The following MAP2K1 variants were observed in gnomAD, a reference collection of about 807,000 sequenced individuals.
The protein encoded by MAP2K1 is mitogen-activated protein kinase kinase 1, also known as dual specificity mitogen-activated protein kinase kinase 1.
In MAP2K1, 16 loss-of-function variants were observed where a neutral mutation model predicts 46.3. The observed-to-expected ratio is 0.35, with a 90% CI of 0.23 to 0.52. MAP2K1 has a LOEUF of 0.52. Ranked by LOEUF, MAP2K1 falls within the 20% of genes least tolerant of loss-of-function variation. The pLI, the probability that MAP2K1 is intolerant of heterozygous loss-of-function variation, is 0.94. For synonymous variants in MAP2K1, 183 were observed against 185.6 expected (o/e 0.99, Z 0.11); for missense variants, 263 against 497.1 (o/e 0.53, Z 4.48).
At chr15:66,466,208 A>C (rs1892460609) in intron 5 of MAP2K1, among the ~76,000 whole-genome samples, 1 of 152,246 alleles carries the variant, frequency 6.6e-6, no homozygotes, top group Non-Finnish European at 1.5e-5. Flanking sequence ...TTGGTAAAAC[A>C]ACCAGTTTCT....
intron 1 of MAP2K1, among the ~76,000 whole-genome samples, chr15:66,411,215 G>T (rs1006430240): frequency 1.3e-5 from 2 of 152,118 alleles, no homozygotes; most frequent in Non-Finnish European, 2.9e-5. Context: ...TTAATATGGG[G>T]CCTGGCATGA....
At chr15:66,406,341 G>T (rs2093396538) in intron 1 of MAP2K1, among the ~76,000 whole-genome samples, 1 of 152,138 alleles carries the variant, frequency 6.6e-6, no homozygotes, top group South Asian at 2.1e-4. Context: ...AGTAAAGTGA[G>T]GAGTCATGTG....
intron 5 of MAP2K1, chr15:66,453,315 T>C: frequency 1.8e-6 from 1 of 556,682 alleles, no homozygotes; most frequent in Non-Finnish European, 3.2e-6. Flanking sequence ...AGAGATGCTT[T>C]GTGAGCCAGA....
At chr15:66,490,077 T>C in intron 10 of MAP2K1, 1 of 538,318 alleles carries the variant, frequency 1.9e-6, no homozygotes, top group African/African-American at 1.9e-5. Context: ...TCATCTTACA[T>C]TCAGCCTCCT....
intron 3 of MAP2K1, among the ~76,000 whole-genome samples, chr15:66,439,370 A>G (rs2053003): frequency 0.99 from 150,311 of 152,308 alleles, 74,196 homozygotes; most frequent in East Asian, 1. Context: ...GGTGGCTTAC[A>G]CCTGTAATTC....
chr15:66,398,211 G>C (rs1283204420), intron 1 of MAP2K1, among the ~76,000 whole-genome samples: 1 of 151,942 alleles, frequency 6.6e-6, no homozygotes, highest in East Asian at 1.9e-4. Context: ...GAGCCCAAGA[G>C]CTAGAGACCA....
chr15:66,436,875 A>G lies in MAP2K1; in HGVS notation c.421A>G (p.Ile141Val), dbSNP rs1189360966. Residue 141 changes from isoleucine (I) to valine (V), a missense_variant, in exon 3 of 11, where the codon ATC becomes GTC. Transcript: ENST00000307102. ...GAFYSDGEIS[I>V]CMEHMDGGSL... ...GTTCTACAGCGATGGCGAGATCAGT[A>G]TCTGCATGGAGCACATGGTATGTGA... 2 of 1,614,208 alleles carry G rather than the reference A, an allele frequency of 1.2e-6. No homozygotes were observed. The highest frequency in any genetic ancestry group is 1.1e-5 in the South Asian group (1 of 91,090).
intron 7 of MAP2K1, among the ~76,000 whole-genome samples, chr15:66,486,858 G>A (rs570423239): frequency 2.0e-5 from 3 of 152,270 alleles, no homozygotes; most frequent in South Asian, 2.1e-4. Context: ...AGGAAGAAAC[G>A]CAACTTCATG....
At chr15:66,485,293 T>G in intron 7 of MAP2K1, 102 bp downstream of exon 7, 2 of 1,139,530 alleles carry the variant, frequency 1.8e-6, no homozygotes, top group Admixed American at 2.4e-5. Flanking sequence ...CTGCCAAGAC[T>G]GATTCTCTGT....
At chr15:66,426,313 T>G (rs559621146) in intron 1 of MAP2K1, among the ~76,000 whole-genome samples, 47 of 151,018 alleles carry the variant, frequency 3.1e-4, no homozygotes, top group African/African-American at 1.1e-3. Flanking sequence ...CACCCAGGAC[T>G]TGCCTGTTCC....
chr15:66,446,969 A>G (rs866851563), intron 5 of MAP2K1, among the ~76,000 whole-genome samples: 3 of 152,198 alleles, frequency 2.0e-5, no homozygotes, highest in Non-Finnish European at 4.4e-5. Context: ...GCTTTTAAAG[A>G]AGATGAAGCC....
rs1023554173 is a variant in MAP2K1 at position 66,491,396 on chromosome 15, A to G, written c.*781A>G. On this transcript the variant is annotated 3_prime_UTR_variant, in exon 11 of 11. Coordinates refer to ENST00000307102, the MANE Select transcript of MAP2K1 (RefSeq NM_002755.4). ...AAATGTCGGATTTATCTTTCCCCAT[A>G]TCCAAGTACCAATGCTGTTGTAAAC... 1 of 231,308 alleles carries G rather than the reference A, an allele frequency of 4.3e-6. No homozygotes were observed. The highest frequency in any genetic ancestry group is 8.6e-6 in the Non-Finnish European group (1 of 116,768). The allele number at this position is 231,308 out of a possible 1,614,324, so 14.3% of individuals were successfully genotyped here.
chr15:66,487,272 T>C lies in MAP2K1; in HGVS notation c.940T>C (p.Leu314=), dbSNP rs1595887122. Residue 314 remains leucine, a synonymous_variant, in exon 8 of 11, where the codon TTG becomes CTG. Transcript: ENST00000307102. ...SRPPMAIFEL[L]DYIVNEPPPK... ...ACCTCCCATGGCAATTTTTGAGTTG[T>C]TGGATTACATAGTCAACGAGGTAAG... The C allele has an allele frequency of 6.2e-7, 1 of 1,614,202 alleles. No homozygotes were observed. Among genetic ancestry groups the C allele is most frequent in the Non-Finnish European group, 8.5e-7 (1 of 1,180,016 alleles).
intron 1 of MAP2K1, among the ~76,000 whole-genome samples, chr15:66,418,756 G>A (rs947087083): frequency 6.6e-6 from 1 of 151,378 alleles, no homozygotes; most frequent in Non-Finnish European, 1.5e-5. Context: ...TCCGCCTCCC[G>A]GGTTCACGCC....
chr15:66,435,387 T>C, intron 2 of MAP2K1, 150 bp downstream of exon 2: 2 of 656,980 alleles, frequency 3.0e-6, no homozygotes, highest in South Asian at 3.8e-5. Context: ...TTCATTCTTG[T>C]TGCCCAGGCT....
chr15:66,461,093 T>C (rs1892307425), intron 5 of MAP2K1, among the ~76,000 whole-genome samples: 1 of 152,194 alleles, frequency 6.6e-6, no homozygotes, highest in Non-Finnish European at 1.5e-5. Context: ...AGAGCTGGTT[T>C]GATTTGAAAA....
rs1181433614 is a variant in MAP2K1 at position 66,387,501 on chromosome 15, A to G, written c.80+74A>G. 3.5e-6 allele frequency: 5 copies of G among 1,436,462 alleles called. No individual in the cohort carries two copies. The Admixed American group carries it at 9.9e-5, about 29-fold the overall frequency. 89.0% of individuals were successfully genotyped at this position (1,436,462 alleles called of 1,614,324 possible). On this transcript the variant is annotated intron_variant, in intron 1 of 10. Transcript: ENST00000307102. ...GAGCCGGGGAGCAGGAGCGCGCGCC[A>G]GGCTCCGATCTGGTTTGTCACGTAC...
At chr15:66,478,400 GTATA>G (rs373049432) in intron 5 of MAP2K1, among the ~76,000 whole-genome samples, 3 of 109,124 alleles carry the variant, frequency 2.7e-5, no homozygotes, top group South Asian at 5.4e-4. Context: ...ATATGTGTGT[GTATA>G]TATATATATA....
intron 1 of MAP2K1, among the ~76,000 whole-genome samples, chr15:66,430,530 T>G (rs1278796493): frequency 1.3e-5 from 2 of 152,168 alleles, no homozygotes; most frequent in African/African-American, 4.8e-5. Context: ...CTGTCATTCC[T>G]TAGGCCAGCC....
Sources: allele counts gnomAD v4.1 joint callset (sites outside exome capture counted in the v4.1 genomes callset), GRCh38; gene constraint gnomAD v4.1.1; transcripts MANE v1.5; gene names NCBI Gene and HGNC (gene_info 2026-07-23, HGNC 2026-07-21).